CPNE4: variants seen among roughly 807,000 people sequenced by gnomAD.
CPNE4 encodes the protein copine-4.
In CPNE4, 25 loss-of-function variants were observed where a neutral mutation model predicts 67.9. The ratio of observed to expected loss-of-function variants is 0.37; its 90% CI spans 0.27 to 0.51. The LOEUF is 0.51. Among genes scored for constraint, CPNE4 ranks in the 20% least tolerant of loss-of-function variants. The pLI is 0.93. For synonymous variants in CPNE4, 242 were observed against 244.9 expected (o/e 0.99, Z 0.11); for missense variants, 464 against 690.8 (o/e 0.67, Z 3.68).
At chr3:131,576,039 T>C (rs1318420639) in intron 9 of CPNE4, among the ~76,000 whole-genome samples, 1 of 152,176 alleles carries the variant, frequency 6.6e-6, no homozygotes, top group Non-Finnish European at 1.5e-5. Context: ...ACTACAGTGA[T>C]TAGAAAAACA....
At chr3:131,659,523 C>T (rs1420641304) in intron 7 of CPNE4, among the ~76,000 whole-genome samples, 1 of 152,134 alleles carries the variant, frequency 6.6e-6, no homozygotes, top group African/African-American at 2.4e-5. Flanking sequence ...AACTAGAGAC[C>T]TCATCAGGGC....
intron 7 of CPNE4, among the ~76,000 whole-genome samples, chr3:131,651,283 C>T (rs2079809842): frequency 6.6e-6 from 1 of 152,092 alleles, no homozygotes; most frequent in Non-Finnish European, 1.5e-5. Context: ...TTATTAAAAG[C>T]TTAGAAAAAC....
At chr3:131,632,196 G>T (rs200246608) in intron 7 of CPNE4, among the ~76,000 whole-genome samples, 1 of 151,916 alleles carries the variant, frequency 6.6e-6, no homozygotes, top group East Asian at 2.0e-4. Context: ...TTTCAGTAGA[G>T]TCGGGGTTTC....
chr3:131,569,619 CAG>C (rs1319504191), intron 10 of CPNE4, among the ~76,000 whole-genome samples: 1 of 136,598 alleles, frequency 7.3e-6, no homozygotes, highest in East Asian at 2.2e-4. Flanking sequence ...CTCCGGGAAA[CAG>C]AGTGAGACCC....
At chr3:131,890,494 T>C (rs2088072358) in intron 2 of CPNE4, among the ~76,000 whole-genome samples, 1 of 151,362 alleles carries the variant, frequency 6.6e-6, no homozygotes, top group Non-Finnish European at 1.5e-5. Context: ...ACACTGTTGG[T>C]GGGAATATAA....
At chr3:131,695,538 C>G (rs1566695) in intron 5 of CPNE4, among the ~76,000 whole-genome samples, 1 of 152,028 alleles carries the variant, frequency 6.6e-6, no homozygotes, top group African/African-American at 2.4e-5. Flanking sequence ...AAACTGCTAT[C>G]CACTGACCCA....
chr3:131,979,603 G>A (rs1477690895), intron 1 of CPNE4, among the ~76,000 whole-genome samples: 1 of 152,180 alleles, frequency 6.6e-6, no homozygotes, highest in Non-Finnish European at 1.5e-5. Context: ...CCTGAAGGCA[G>A]CAGATGGTTG....
At chr3:131,799,704 T>C (rs879392586) in intron 2 of CPNE4, among the ~76,000 whole-genome samples, 3 of 152,160 alleles carry the variant, frequency 2.0e-5, no homozygotes, top group Admixed American at 2.0e-4. Context: ...CTTCAGCCAC[T>C]GCAATCACTC....
rs1310254795 is a variant in CPNE4, at chr3:131,645,817, G to T, written c.681+23858C>A. ...AAAGGTAACTGAGAAGTGGCTAGGGGCAGGCATTACCATCTTTGTAGGTAA... is the reference window on the plus strand; with the variant it reads ...AAAGGTAACTGAGAAGTGGCTAGGGTCAGGCATTACCATCTTTGTAGGTAA... On this transcript the variant is annotated intron_variant, in intron 7 of 15. Coordinates refer to ENST00000429747, the MANE Select transcript of CPNE4 (RefSeq NM_130808.3). 3.3e-5 allele frequency among the ~76,000 whole-genome samples: 5 copies of T among 152,140 alleles called. 1 individual carries two copies. The highest frequency in any genetic ancestry group is 3.2e-3 in the Middle Eastern group (1 of 316).
chr3:131,830,602 T>G (rs914115753), intron 2 of CPNE4, among the ~76,000 whole-genome samples: 1 of 152,210 alleles, frequency 6.6e-6, no homozygotes, highest in Non-Finnish European at 1.5e-5. Context: ...CAATGAAGCC[T>G]GCTCAGACAA....
intron 7 of CPNE4, among the ~76,000 whole-genome samples, chr3:131,608,453 G>A (rs1018108314): frequency 6.6e-5 from 10 of 152,120 alleles, no homozygotes; most frequent in African/African-American, 2.4e-4. Context: ...GAAGCCTGAA[G>A]TATGACAGGA....
At chr3:131,792,925 G>GTGTGTGTGTGTGTATATATA (rs58502463) in intron 2 of CPNE4, among the ~76,000 whole-genome samples, 1 of 135,142 alleles carries the variant, frequency 7.4e-6, no homozygotes, top group African/African-American at 2.9e-5. Flanking sequence ...GTGTGTGTGT[G>GTGTGTGTGTGTGTATATATA]TATCTCCAAC....
At chr3:131,716,884 C>A (rs1286878331) in intron 3 of CPNE4, among the ~76,000 whole-genome samples, 5 of 152,066 alleles carry the variant, frequency 3.3e-5, no homozygotes, top group Admixed American at 2.0e-4. Flanking sequence ...CATCAGACCC[C>A]ACACCATGTA....
rs555171201 is a variant in CPNE4 at position 131,875,427 on chromosome 3, A to C, written c.180+29837T>G. ...TTCACAATAGCAAAGACTTGGAACC[A>C]ACCCAAATGTCCAACAATGATAGAC... On this transcript the variant is annotated intron_variant, in intron 2 of 15. Transcript: ENST00000429747. 2.0e-5 allele frequency among the ~76,000 whole-genome samples: 3 copies of C among 152,296 alleles called. No individual in the cohort carries two copies. In the South Asian group the frequency reaches 6.2e-4, roughly 32 times the overall value.
At chr3:131,868,401 A>T (rs182116370) in intron 2 of CPNE4, among the ~76,000 whole-genome samples, 1 of 152,190 alleles carries the variant, frequency 6.6e-6, no homozygotes, top group Non-Finnish European at 1.5e-5. Context: ...GAGCTCATGT[A>T]GATCTTGAAC....
At chr3:131,989,353 G>A (rs2073124860) in intron 1 of CPNE4, among the ~76,000 whole-genome samples, 3 of 152,220 alleles carry the variant, frequency 2.0e-5, no homozygotes, top group African/African-American at 7.2e-5. Flanking sequence ...AGCATAGATT[G>A]TTTCAAGCAT....
chr3:131,877,580 A>C (rs999615561), intron 2 of CPNE4, among the ~76,000 whole-genome samples: 6 of 152,228 alleles, frequency 3.9e-5, no homozygotes, highest in African/African-American at 1.4e-4. Flanking sequence ...ATGAGTCAAG[A>C]ATAGTATTTT....
chr3:131,600,297 AG>A (rs1353496849), intron 7 of CPNE4, among the ~76,000 whole-genome samples: 1 of 152,166 alleles, frequency 6.6e-6, no homozygotes, highest in Non-Finnish European at 1.5e-5. Flanking sequence ...ATTAGCCTCA[AG>A]GGTAGTACAA....
chr3:131,655,382 G>A (rs1039666852), intron 7 of CPNE4, among the ~76,000 whole-genome samples: 3 of 152,202 alleles, frequency 2.0e-5, no homozygotes, highest in Non-Finnish European at 2.9e-5. Flanking sequence ...GTCTGTTGTG[G>A]TTCGTTACAT....
Sources: allele counts gnomAD v4.1 joint callset (sites outside exome capture counted in the v4.1 genomes callset), GRCh38; gene constraint gnomAD v4.1.1; transcripts MANE v1.5; gene names NCBI Gene and HGNC (gene_info 2026-07-23, HGNC 2026-07-21).